Variants in WDR53 observed in about 807,000 individuals in gnomAD.
The protein encoded by WDR53 is WD repeat domain 53.
A neutral mutation model predicts 21.3 loss-of-function variants in WDR53; 19 were observed. The ratio of observed to expected loss-of-function variants is 0.89; its 90% CI spans 0.62 to 1.31. WDR53 has a LOEUF of 1.31. WDR53 is among the 50% of genes most tolerant of loss of function. WDR53 has a pLI of 0.00. For synonymous variants in WDR53, 157 were observed against 163.4 expected (o/e 0.96, Z 0.30); for missense variants, 374 against 423.2 (o/e 0.88, Z 1.02).
In WDR53 at chr3:196,554,304, G is replaced by C; in HGVS notation, c.984C>G (p.Asn328Lys). The C allele has an allele frequency of 6.2e-7, 1 of 1,614,138 alleles. No individual in the cohort carries two copies. Among genetic ancestry groups the C allele is most frequent in the Non-Finnish European group, 8.5e-7 (1 of 1,180,010 alleles). The change falls in exon 4 of 4, where the codon AAC becomes AAG. Residue 328 changes from asparagine to lysine, a missense_variant. Coordinates refer to ENST00000332629, the MANE Select transcript of WDR53 (RefSeq NM_182627.3). ...KLNIEHGEKVNWLLGTKIKGH... is the reference protein window; with the variant it reads ...KLNIEHGEKVKWLLGTKIKGH... ...CCTTTATTTTTGTACCCAAGAGCCAGTTCACTTTTTCTCCATGTTCAATAT... is the reference window on the plus strand; with the variant it reads ...CCTTTATTTTTGTACCCAAGAGCCACTTCACTTTTTCTCCATGTTCAATAT...
intron 2 of WDR53, among the ~76,000 whole-genome samples, chr3:196,562,031 T>C (rs1734920356): frequency 6.6e-6 from 1 of 152,198 alleles, no homozygotes; most frequent in Admixed American, 6.5e-5. Flanking sequence ...TAGTGCCTGA[T>C]ACATAATGAA....
intron 3 of WDR53, among the ~76,000 whole-genome samples, chr3:196,559,641 A>G (rs1247220178): frequency 6.6e-6 from 1 of 152,244 alleles, no homozygotes; most frequent in East Asian, 1.9e-4. Flanking sequence ...ACTGTATGTA[A>G]CTGAGAACAG....
intron 3 of WDR53, 57 bp from the exon 4 acceptor site, chr3:196,554,864 A>G: frequency 7.1e-7 from 1 of 1,399,918 alleles, no homozygotes; most frequent in African/African-American, 1.4e-5. Flanking sequence ...TTGCTCAACT[A>G]TCATGCTTAT....
chr3:196,562,598 TGTACA>T (rs1734990999), intron 2 of WDR53, among the ~76,000 whole-genome samples: 1 of 152,142 alleles, frequency 6.6e-6, no homozygotes, highest in Non-Finnish European at 1.5e-5. Context: ...GTGATCCTGA[TGTACA>T]GTGGAATTGC....
At chr3:196,564,400 T>C (rs1473973395) in intron 2 of WDR53, among the ~76,000 whole-genome samples, 2 of 150,930 alleles carry the variant, frequency 1.3e-5, no homozygotes, top group African/African-American at 2.4e-5. Context: ...TTTTTCTTTT[T>C]TTTTTTTTTT....
chr3:196,565,929 G>A (rs538386547), intron 2 of WDR53, among the ~76,000 whole-genome samples: 1 of 152,182 alleles, frequency 6.6e-6, no homozygotes, highest in Non-Finnish European at 1.5e-5. Flanking sequence ...CCACATTCAC[G>A]TATCAAGTCA....
rs764009839 is a variant in WDR53, at chr3:196,561,273, T to C, written c.203A>G (p.Tyr68Cys). The change falls in exon 3 of 4, where the codon TAT (tyrosine) becomes TGT (cysteine). Residue 68 changes from tyrosine (Y) to cysteine (C), a missense_variant. By Grantham distance (194) the Tyr-to-Cys change is radical. Coordinates refer to ENST00000332629, the MANE Select transcript of WDR53 (RefSeq NM_182627.3). ...ACTAATGGTTTCTCCATGTGAGGCA[T>C]AGAGCTTGGTGGGACAGGAGGGAGA... ...LFSPSCPTKL[Y>C]ASHGETISVL... 1.9e-5 allele frequency: 30 copies of C among 1,614,076 alleles called. No individual in the cohort carries two copies. The highest frequency in any genetic ancestry group is 2.7e-5 in the African/African-American group (2 of 74,942).
chr3:196,567,514 T>C (rs1445019278), intron 1 of WDR53, among the ~76,000 whole-genome samples: 1 of 152,148 alleles, frequency 6.6e-6, no homozygotes, highest in Non-Finnish European at 1.5e-5. Context: ...TTCCAAGACA[T>C]TGGAGTTGAC....
intron 2 of WDR53, among the ~76,000 whole-genome samples, chr3:196,566,416 C>CT (rs1330674667): frequency 0.021 from 2,918 of 140,604 alleles, 52 homozygotes; most frequent in African/African-American, 0.061. Flanking sequence ...GCATTTTTTT[C>CT]TTTTTTTTTT....
intron 3 of WDR53, among the ~76,000 whole-genome samples, chr3:196,557,551 C>T (rs1433581543): frequency 6.6e-6 from 1 of 152,094 alleles, no homozygotes; most frequent in Non-Finnish European, 1.5e-5. Context: ...AACAAACAAA[C>T]AAAAGAGCCT....
At chr3:196,564,201 C>T (rs1043881883) in intron 2 of WDR53, among the ~76,000 whole-genome samples, 8 of 151,850 alleles carry the variant, frequency 5.3e-5, no homozygotes, top group African/African-American at 1.2e-4. Flanking sequence ...TATGCCGTAA[C>T]GAAGACTGTT....
rs761763742 is a variant in WDR53, at chr3:196,561,390, T to C, written c.86A>G (p.Glu29Gly). ...ACCCCAAGCCGTGAGATCTCCGCCC[T>C]CTGCTCCAGAAGCCAGCAGCCCTTC... ...SKEGLLASGA[E>G]GGDLTAWGED... The change falls in exon 3 of 4, where the codon GAG becomes GGG. Residue 29 changes from glutamate to glycine, a missense_variant. Glu to Gly is a moderately conservative substitution (Grantham distance 98, BLOSUM62 -2). Coordinates refer to ENST00000332629, the MANE Select transcript of WDR53 (RefSeq NM_182627.3). 6 of 1,614,084 alleles carry C rather than the reference T, an allele frequency of 3.7e-6. No homozygotes were observed. Among genetic ancestry groups the C allele is most frequent in the Non-Finnish European group, 3.4e-6 (4 of 1,180,006 alleles).
chr3:196,567,884 G>A (rs1124996), intron 1 of WDR53, among the ~76,000 whole-genome samples: 61,199 of 151,652 alleles, frequency 0.4, 12,853 homozygotes, highest in Middle Eastern at 0.52. Context: ...CCAAGTAGCT[G>A]GGACCAGAGG....
chr3:196,567,591 T>C (rs1403363651), intron 1 of WDR53, among the ~76,000 whole-genome samples: 4 of 152,222 alleles, frequency 2.6e-5, no homozygotes, highest in Non-Finnish European at 5.9e-5. Flanking sequence ...GGATTACGTA[T>C]ATAAAAATCT....
chr3:196,557,759 G>A (rs369424900), intron 3 of WDR53, among the ~76,000 whole-genome samples: 2 of 150,824 alleles, frequency 1.3e-5, no homozygotes, highest in East Asian at 1.9e-4. Context: ...AGGTATACAG[G>A]TATTTATTTA....
In WDR53 at chr3:196,561,268, A is replaced by G. The variant is rs750462000; in HGVS notation, c.208T>C (p.Ser70Pro). 2 of 1,614,210 alleles carry G rather than the reference A, an allele frequency of 1.2e-6. No homozygotes were observed. The highest frequency in any genetic ancestry group is 1.7e-6 in the Non-Finnish European group (2 of 1,180,034). The change falls in exon 3 of 4, where the codon TCA becomes CCA. Residue 70 changes from serine to proline, a missense_variant. Transcript: ENST00000332629. ...SPSCPTKLYA[S>P]HGETISVLDV... ...AGTACACTAATGGTTTCTCCATGTG[A>G]GGCATAGAGCTTGGTGGGACAGGAG...
chr3:196,562,451 G>A (rs1390662658), intron 2 of WDR53, among the ~76,000 whole-genome samples: 1 of 151,696 alleles, frequency 6.6e-6, no homozygotes, highest in African/African-American at 2.4e-5. Flanking sequence ...TAGTAGAGAC[G>A]GGGTTTCACC....
chr3:196,554,922 G>C (rs1734196540), intron 3 of WDR53, 115 bp from the exon 4 acceptor site: 5 of 816,654 alleles, frequency 6.1e-6, no homozygotes, highest in Middle Eastern at 3.2e-4. Context: ...GAGCAGTAGT[G>C]CACGTTCTCA....
chr3:196,557,024 A>T (rs1309504534), intron 3 of WDR53, among the ~76,000 whole-genome samples: 4 of 152,272 alleles, frequency 2.6e-5, no homozygotes, highest in Non-Finnish European at 5.9e-5. Context: ...TAATTTCTCA[A>T]CCAGCTGTTC....
Sources: allele counts gnomAD v4.1 joint callset (sites outside exome capture counted in the v4.1 genomes callset), GRCh38; gene constraint gnomAD v4.1.1; transcripts MANE v1.5; gene names NCBI Gene and HGNC (gene_info 2026-07-23, HGNC 2026-07-21).